CHD4: variants seen among roughly 807,000 people sequenced by gnomAD.
The protein encoded by CHD4 is chromodomain helicase DNA binding protein 4, also known as ATP-dependent chromatin remodeler CHD4.
Under a neutral mutation model 235.5 loss-of-function variants are expected in CHD4, and 35 were observed. The observed-to-expected ratio is 0.15, with a 90% CI of 0.11 to 0.20. The LOEUF is 0.20. Among genes scored for constraint, CHD4 ranks in the 10% least tolerant of loss-of-function variants. CHD4 has a pLI of 1.00. For synonymous variants in CHD4, 900 were observed against 850.2 expected, an observed-to-expected ratio of 1.06 and a Z score of -1.02; for missense variants, 1,329 against 2,432.3, an observed-to-expected ratio of 0.55 and a Z score of 9.54.
Position 6,593,053 on chromosome 12 carries a change from C to G in CHD4, c.2652+38G>C. On this transcript the variant is annotated intron_variant, in intron 17 of 39. Coordinates refer to ENST00000544040, the MANE Select transcript of CHD4 (RefSeq NM_001273.5). This position sits in a 1 kb window ranked among gnomAD's most constrained non-coding sequence, Gnocchi z 4.9. ...TGAATTGGTAGTACTAGAAAAAACC[C>G]AAAGTGGGGGCTCCAACATCCCTCC... 3.7e-6 allele frequency: 6 copies of G among 1,608,338 alleles called. No individual in the cohort carries two copies. The highest frequency in any genetic ancestry group is 5.1e-6 in the Non-Finnish European group (6 of 1,178,098).
At chr12:6,606,705 T>G in intron 1 of CHD4, 1 of 197,034 alleles carries the variant, frequency 5.1e-6, no homozygotes. Context: ...GACGCGGGGC[T>G]GGACCGAGCG....
At chr12:6,597,371 C>A (rs1201658290) in intron 12 of CHD4, among the ~76,000 whole-genome samples, 1 of 152,188 alleles carries the variant, frequency 6.6e-6, no homozygotes, top group East Asian at 1.9e-4. Flanking sequence ...GAAGCTGAAG[C>A]AGACAGATTG....
intron 38 of CHD4, 50 bp downstream of exon 38, chr12:6,573,024 G>C (rs1948004344): frequency 2.0e-6 from 3 of 1,533,180 alleles, no homozygotes; most frequent in Non-Finnish European, 2.6e-6. Flanking sequence ...TTAGGATGCA[G>C]TCAGATCAGG....
intron 2 of CHD4, among the ~76,000 whole-genome samples, chr12:6,605,552 A>C (rs1475731224): frequency 6.6e-6 from 1 of 152,178 alleles, no homozygotes; most frequent in Non-Finnish European, 1.5e-5. Context: ...CCTAAACCGC[A>C]GGCTACCTCA....
chr12:6,578,739 G>C (rs538798178), intron 34 of CHD4, 107 bp downstream of exon 34: 1 of 1,350,770 alleles, frequency 7.4e-7, no homozygotes, highest in Admixed American at 1.8e-5. Flanking sequence ...CTTTTATCTT[G>C]GGATAAAATG....
chr12:6,573,559 T>TAATC (rs1252840721), intron 37 of CHD4, among the ~76,000 whole-genome samples: 1 of 152,212 alleles, frequency 6.6e-6, no homozygotes, highest in African/African-American at 2.4e-5. Flanking sequence ...TAACAACAGA[T>TAATC]AATCCCACCT....
At chr12:6,592,938 A>C in intron 17 of CHD4, 121 bp from the exon 18 acceptor site, 4 of 1,509,652 alleles carry the variant, frequency 2.6e-6, no homozygotes, top group Non-Finnish European at 3.6e-6. Flanking sequence ...ATTCTTTTTA[A>C]AGGCCTGGCC....
In CHD4 at chr12:6,570,606, G is replaced by A; in HGVS notation, c.*70C>T. ...GGTGAGGGTCTCTCAGGCCCCCAGGGGAGAAGCTGGGACAAGAGAAAGTGA... is the reference window on the plus strand; with the variant it reads ...GGTGAGGGTCTCTCAGGCCCCCAGGAGAGAAGCTGGGACAAGAGAAAGTGA... On this transcript the variant is annotated 3_prime_UTR_variant, in exon 40 of 40. Coordinates refer to ENST00000544040, the MANE Select transcript of CHD4 (RefSeq NM_001273.5). 1 of 1,589,472 alleles carries A rather than the reference G, an allele frequency of 6.3e-7. No individual in the cohort carries two copies. The highest frequency in any genetic ancestry group is 8.6e-7 in the Non-Finnish European group (1 of 1,158,002).
chr12:6,584,360 G>A (rs145780917), intron 25 of CHD4: 1 of 152,174 alleles, frequency 6.6e-6, no homozygotes, highest in Non-Finnish European at 1.5e-5. Context: ...TAAATTGTTA[G>A]AGGACAGGAG....
intron 33 of CHD4, 145 bp from the exon 34 acceptor site, chr12:6,579,062 C>T (rs1330017781): frequency 1.5e-6 from 1 of 682,312 alleles, no homozygotes; most frequent in South Asian, 1.8e-5. Flanking sequence ...TGCCTGTAAT[C>T]CCAGCATCTT....
rs1256475143 is a variant in CHD4, at chr12:6,602,472, A to G, written c.126T>C (p.Asp42=). Residue 42 remains aspartate, a synonymous_variant, in exon 3 of 40, where the codon GAT becomes GAC. Coordinates refer to ENST00000544040, the MANE Select transcript of CHD4 (RefSeq NM_001273.5). The part of the protein sequence containing the change: ...HPENEEDPEE[D]LSETETPKLK... ...GCTTTGGAGTCTCTGTTTCTGACAA[A>G]TCCTCTTCTGGGTCCTCTTCATTTT... The G allele has an allele frequency of 6.2e-7, 1 of 1,613,570 alleles. No homozygotes were observed.
chr12:6,592,957 C>A, intron 17 of CHD4, 134 bp downstream of exon 17: 1 of 1,502,192 alleles, frequency 6.7e-7, no homozygotes, highest in Non-Finnish European at 9.0e-7. Flanking sequence ...CCACCAAGGG[C>A]TGTCACATAC....
At chr12:6,588,650 C>T (rs1405954467) in intron 22 of CHD4, among the ~76,000 whole-genome samples, 1 of 152,006 alleles carries the variant, frequency 6.6e-6, no homozygotes, top group African/African-American at 2.4e-5. Flanking sequence ...TGGTGGTATA[C>T]ACCTGTAATC....
intron 7 of CHD4, 114 bp from the exon 8 acceptor site, chr12:6,600,783 T>C (rs1357394960): frequency 7.3e-6 from 11 of 1,515,430 alleles, no homozygotes; most frequent in African/African-American, 1.4e-5. Flanking sequence ...AGCACCGTTA[T>C]ACAGGGAGCC....
chr12:6,602,639 G>A (rs1030000498), intron 2 of CHD4, 142 bp from the exon 3 acceptor site: 32 of 1,144,804 alleles, frequency 2.8e-5, no homozygotes, highest in Middle Eastern at 2.5e-4. Flanking sequence ...TGTACAGGAG[G>A]AAGCTGATAC....
intron 33 of CHD4, 118 bp downstream of exon 33, chr12:6,580,926 G>A (rs956366940): frequency 7.1e-6 from 8 of 1,128,500 alleles, no homozygotes; most frequent in Middle Eastern, 2.3e-4. Context: ...AGAATCGCTC[G>A]AACCTGGGAG....
intron 25 of CHD4, among the ~76,000 whole-genome samples, chr12:6,585,529 G>A (rs565272981): frequency 3.8e-4 from 58 of 151,956 alleles, no homozygotes; most frequent in South Asian, 3.5e-3. Context: ...TGATCCACCC[G>A]CCTTGGCCTC....
rs779705073 is a variant in CHD4 at position 6,606,411 on chromosome 12, T to C, written c.-38A>G. ...CCGGCCAGGGAATTGGCCCAGCTGC[T>C]CCTGCCGGCGGCCTGAGGACCTCTA... On this transcript the variant is annotated 5_prime_UTR_variant, in exon 2 of 40. Coordinates refer to ENST00000544040, the MANE Select transcript of CHD4 (RefSeq NM_001273.5). 6.8e-7 allele frequency: 1 copy of C among 1,475,692 alleles called. No homozygotes were observed. Among genetic ancestry groups the C allele is most frequent in the Non-Finnish European group, 9.2e-7 (1 of 1,086,754 alleles). The allele number at this position is 1,475,692 out of a possible 1,614,324, so 91.4% of individuals were successfully genotyped here.
At chr12:6,582,800 G>A (rs1948218723) in intron 28 of CHD4, 48 bp downstream of exon 28, 1 of 1,613,874 alleles carries the variant, frequency 6.2e-7, no homozygotes, top group African/African-American at 1.3e-5. Context: ...TTCCACCAAA[G>A]ATGCAATATC....
Sources: allele counts gnomAD v4.1 joint callset (sites outside exome capture counted in the v4.1 genomes callset), GRCh38; gene constraint gnomAD v4.1.1; non-coding constraint Gnocchi (gnomAD v3.1); transcripts MANE v1.5; gene names NCBI Gene and HGNC (gene_info 2026-07-23, HGNC 2026-07-21).